The following ANO10 variants were observed in gnomAD, a reference collection of about 807,000 sequenced individuals.
ANO10 encodes the protein anoctamin-10.
Under a neutral mutation model 74.7 loss-of-function variants are expected in ANO10, and 77 were observed. The observed-to-expected ratio is 1.03, with a 90% CI of 0.86 to 1.25. The LOEUF is 1.25. ANO10 is among the 50% of genes most tolerant of loss of function. ANO10 has a pLI of 0.00. For synonymous variants in ANO10, 279 were observed against 284.9 expected (o/e 0.98, Z 0.21); for missense variants, 721 against 778.1 (o/e 0.93, Z 0.87).
chr3:43,584,905 T>C (rs530195621), intron 4 of ANO10, among the ~76,000 whole-genome samples: 66 of 152,186 alleles, frequency 4.3e-4, no homozygotes, highest in African/African-American at 1.5e-3. Context: ...TCTTGAGGGG[T>C]ATCACATTGG....
chr3:43,458,056 T>C (rs1459446840), intron 11 of ANO10, among the ~76,000 whole-genome samples: 1 of 152,130 alleles, frequency 6.6e-6, no homozygotes, highest in East Asian at 1.9e-4. Context: ...ACAAAGACAG[T>C]AGACAACCAC....
intron 11 of ANO10, among the ~76,000 whole-genome samples, chr3:43,439,159 T>C (rs749329830): frequency 9.9e-5 from 15 of 151,758 alleles, no homozygotes; most frequent in South Asian, 2.1e-4. Context: ...ATTTATCATG[T>C]ACAAGGGAAT....
intron 4 of ANO10, among the ~76,000 whole-genome samples, chr3:43,586,890 G>T (rs2081505015): frequency 6.6e-6 from 1 of 152,002 alleles, no homozygotes; most frequent in Non-Finnish European, 1.5e-5. Context: ...AATACAATCG[G>T]GAAACTGGCA....
At chr3:43,396,973 A>G (rs1169670439) in intron 12 of ANO10, among the ~76,000 whole-genome samples, 2 of 149,582 alleles carry the variant, frequency 1.3e-5, no homozygotes, top group African/African-American at 2.5e-5. Context: ...CTTGTTGCCC[A>G]TGCTGGAGTG....
chr3:43,549,912 T>C, intron 10 of ANO10, 64 bp from the exon 11 acceptor site: 1 of 1,575,676 alleles, frequency 6.3e-7, no homozygotes, highest in East Asian at 2.2e-5. Flanking sequence ...CTCATCCTTT[T>C]TCATGTTATC....
At chr3:43,684,081 G>A (rs191984706) in intron 1 of ANO10, among the ~76,000 whole-genome samples, 78 of 152,180 alleles carry the variant, frequency 5.1e-4, no homozygotes, top group African/African-American at 1.8e-3. Flanking sequence ...TTGACAAATG[G>A]GATCTAGTTA....
chr3:43,401,289 C>A (rs2148870156), intron 12 of ANO10, among the ~76,000 whole-genome samples: 1 of 152,242 alleles, frequency 6.6e-6, no homozygotes, highest in Non-Finnish European at 1.5e-5. Context: ...CACTCATGAT[C>A]CAAAGGAGAA....
At chr3:43,603,037 T>A (rs2082405754) in intron 2 of ANO10, among the ~76,000 whole-genome samples, 1 of 152,368 alleles carries the variant, frequency 6.6e-6, no homozygotes, top group South Asian at 2.1e-4. Context: ...TGGTTTCAAG[T>A]CAGTAGGTGA....
chr3:43,470,626 TTATG>T (rs199927611), intron 11 of ANO10, among the ~76,000 whole-genome samples: 1,742 of 135,904 alleles, frequency 0.013, 21 homozygotes, highest in East Asian at 0.047. Context: ...ATTTATTTAT[TTATG>T]TATTTATTTA....
intron 11 of ANO10, among the ~76,000 whole-genome samples, chr3:43,437,198 A>G (rs2093082262): frequency 1.3e-5 from 2 of 152,248 alleles, no homozygotes; most frequent in South Asian, 4.1e-4. Flanking sequence ...GAAATGACAG[A>G]AAGATGTATT....
intron 8 of ANO10, 95 bp from the exon 9 acceptor site, chr3:43,561,497 T>C (rs1447787927): frequency 9.1e-7 from 1 of 1,103,066 alleles, no homozygotes; most frequent in Admixed American, 2.2e-5. Context: ...ACAGTATTTA[T>C]AGCATAAATA....
At chr3:43,504,303 GATA>G (rs763922733) in intron 11 of ANO10, among the ~76,000 whole-genome samples, 340 of 115,712 alleles carry the variant, frequency 2.9e-3, no homozygotes, top group Middle Eastern at 9.0e-3. Context: ...TAGGTAGGTA[GATA>G]GATAGATAGA....
At chr3:43,475,670 C>T (rs1476960779) in intron 11 of ANO10, among the ~76,000 whole-genome samples, 8 of 152,190 alleles carry the variant, frequency 5.3e-5, no homozygotes, top group African/African-American at 1.9e-4. Context: ...GCAACCTTGG[C>T]TCACTGCAAC....
chr3:43,583,987 A>G (rs1285635713), intron 4 of ANO10, among the ~76,000 whole-genome samples: 1 of 152,246 alleles, frequency 6.6e-6, no homozygotes, highest in Non-Finnish European at 1.5e-5. Context: ...CCCTTAGGAT[A>G]TGGTTAAAAT....
intron 1 of ANO10, among the ~76,000 whole-genome samples, chr3:43,612,143 TATATATATATATATATATATATA>T (rs2082856694): frequency 1.4e-4 from 2 of 14,480 alleles, no homozygotes; most frequent in African/African-American, 4.9e-4. Flanking sequence ...AAATATTTTA[TATATATATATATATATATATATA>T]TATATATATA....
chr3:43,491,110 T>C (rs1000193689), intron 11 of ANO10, among the ~76,000 whole-genome samples: 7 of 152,082 alleles, frequency 4.6e-5, no homozygotes, highest in African/African-American at 1.7e-4. Flanking sequence ...GTAAACACAC[T>C]GTGCATGCTC....
At chr3:43,468,800 T>G (rs1331545337) in intron 11 of ANO10, among the ~76,000 whole-genome samples, 1 of 150,924 alleles carries the variant, frequency 6.6e-6, no homozygotes, top group African/African-American at 2.4e-5. Flanking sequence ...AACCTCCGCC[T>G]CCTGGGTTCA....
chr3:43,406,626 G>A (rs1296417163), intron 12 of ANO10, among the ~76,000 whole-genome samples: 2 of 152,146 alleles, frequency 1.3e-5, no homozygotes, highest in Non-Finnish European at 2.9e-5. Context: ...GACAAAGCAT[G>A]CAGAACTCAC....
chr3:43,551,298 C>T (rs548462389), intron 10 of ANO10, among the ~76,000 whole-genome samples: 2 of 152,340 alleles, frequency 1.3e-5, no homozygotes, highest in Non-Finnish European at 2.9e-5. Context: ...GGTTGACCAG[C>T]TCATGCTTCC....
Sources: gnomAD v4.1 joint callset for allele counts (sites outside exome capture counted in the v4.1 genomes callset) on GRCh38, gnomAD v4.1.1 for gene constraint, MANE v1.5 for transcripts, NCBI Gene and HGNC (gene_info 2026-07-23, HGNC 2026-07-21) for gene names.